Variants in SYTL3 observed in about 807,000 individuals in gnomAD.
The protein encoded by SYTL3 is synaptotagmin like 3.
Under a neutral mutation model 82.1 loss-of-function variants are expected in SYTL3, and 88 were observed. That is an observed-to-expected ratio of 1.07 (90% confidence interval 0.90 to 1.28). The LOEUF (loss-of-function observed/expected upper bound fraction) is 1.28. Ranked by LOEUF, SYTL3 falls within the 50% of genes most tolerant of loss-of-function variation. The pLI, the probability that SYTL3 is intolerant of heterozygous loss-of-function variation, is 0.00. For missense variants in SYTL3, 831 were observed against 757.6 expected, an observed-to-expected ratio of 1.10 and a Z score of -1.14; for synonymous variants, 311 against 289.4, an observed-to-expected ratio of 1.07 and a Z score of -0.76.
At chr6:158,750,281 G>A (rs982879846) in intron 12 of SYTL3, among the ~76,000 whole-genome samples, 1 of 152,102 alleles carries the variant, frequency 6.6e-6, no homozygotes, top group Admixed American at 6.6e-5. Context: ...AAAATCCAAC[G>A]TGGTTATTAC....
intron 10 of SYTL3, among the ~76,000 whole-genome samples, chr6:158,724,659 T>C (rs1784499596): frequency 6.6e-6 from 1 of 152,236 alleles, no homozygotes; most frequent in African/African-American, 2.4e-5. Context: ...TTTCAATTAA[T>C]TTAAGTAGTC....
chr6:158,684,208 G>T (rs1779048076), intron 6 of SYTL3, among the ~76,000 whole-genome samples: 1 of 152,196 alleles, frequency 6.6e-6, no homozygotes, highest in Non-Finnish European at 1.5e-5. Context: ...GCTATTGGTG[G>T]TGACACTCAA....
chr6:158,691,892 C>T (rs1050999722), intron 6 of SYTL3, among the ~76,000 whole-genome samples: 1 of 150,054 alleles, frequency 6.7e-6, no homozygotes, highest in Non-Finnish European at 1.5e-5. Flanking sequence ...ACCTCGTGAT[C>T]GGCCCGCCTC....
At chr6:158,725,867 A>G (rs1223486344) in intron 11 of SYTL3, 10 of 699,920 alleles carry the variant, frequency 1.4e-5, no homozygotes, top group Non-Finnish European at 2.3e-5. Context: ...GTGTCAGCAG[A>G]TTCATTATCA....
intron 5 of SYTL3, among the ~76,000 whole-genome samples, chr6:158,675,238 G>A (rs188530880): frequency 9.9e-5 from 15 of 152,256 alleles, no homozygotes; most frequent in African/African-American, 2.9e-4. Context: ...TTGTAGCTGT[G>A]AATATAGCAC....
In SYTL3 at chr6:158,708,339, C is replaced by T; in HGVS notation, c.464C>T (p.Pro155Leu). ...CTTGGCAGCAAAATTTCTGTGGTTC[C>T]TCCTACTCCACCTCCTGTCAGCGAG... ...YQKLSKISVV[P>L]PTPPPVSESQ... The change falls in exon 8 of 18, where the codon CCT (proline) becomes CTT (leucine). Residue 155 changes from proline to leucine, a missense_variant. Physicochemically the swap from Pro to Leu is moderately conservative, Grantham distance 98 (BLOSUM62 -3). Coordinates refer to ENST00000611299, the MANE Select transcript of SYTL3 (RefSeq NM_001242394.2). 2.5e-6 allele frequency: 4 copies of T among 1,614,204 alleles called. No homozygotes were observed. Among genetic ancestry groups the T allele is most frequent in the Non-Finnish European group, 3.4e-6 (4 of 1,180,032 alleles).
chr6:158,650,105 T>C (rs1320415255), intron 1 of SYTL3, 27 bp downstream of exon 1: 1 of 152,158 alleles, frequency 6.6e-6, no homozygotes, highest in African/African-American at 2.4e-5. Flanking sequence ...TGGCTGGCCG[T>C]TGCAGCAGGT....
intron 5 of SYTL3, among the ~76,000 whole-genome samples, chr6:158,667,425 T>A (rs532294131): frequency 1.3e-5 from 2 of 152,266 alleles, no homozygotes; most frequent in East Asian, 3.9e-4. Context: ...CCAAGTAGTT[T>A]GTGGTGATGT....
intron 7 of SYTL3, 44 bp from the exon 8 acceptor site, chr6:158,708,278 C>A (rs776227672): frequency 4.1e-6 from 6 of 1,480,388 alleles, no homozygotes; most frequent in Middle Eastern, 1.7e-4. Context: ...TAACGGCTTG[C>A]ATGGTTCACA....
intron 6 of SYTL3, among the ~76,000 whole-genome samples, chr6:158,701,548 G>A (rs1033967283): frequency 7.7e-5 from 9 of 117,210 alleles, no homozygotes; most frequent in South Asian, 2.6e-4. Flanking sequence ...GAGCTGTTCT[G>A]GGGGGGAGGA....
chr6:158,707,131 T>A, intron 6 of SYTL3, 99 bp from the exon 7 acceptor site: 1 of 1,218,220 alleles, frequency 8.2e-7, no homozygotes, highest in African/African-American at 1.5e-5. Flanking sequence ...TCACAAGAAA[T>A]GATACTAGAG....
At chr6:158,726,977 GT>G (rs1784808346) in intron 11 of SYTL3, among the ~76,000 whole-genome samples, 1 of 150,936 alleles carries the variant, frequency 6.6e-6, no homozygotes, top group East Asian at 2.0e-4. Flanking sequence ...AGCCTCCCAA[GT>G]AGCTGGCACT....
chr6:158,695,609 G>A (rs188696402), intron 6 of SYTL3, among the ~76,000 whole-genome samples: 29 of 152,168 alleles, frequency 1.9e-4, no homozygotes, highest in Middle Eastern at 3.4e-3. Context: ...AAGTATATTT[G>A]CATTGTTATG....
chr6:158,726,829 C>A lies in SYTL3; in HGVS notation c.855+1192C>A, dbSNP rs539813757. On this transcript the variant is annotated intron_variant, in intron 11 of 17. Coordinates refer to ENST00000611299, the MANE Select transcript of SYTL3 (RefSeq NM_001242394.2). ...AATGACAGATCTCTTCTGTTAACAT[C>A]GTGTTCCTAGGTTGAACTTTCTTTT... 1.5e-4 allele frequency: 23 copies of A among 153,956 alleles called. 1 individual carries two copies. In the South Asian group the frequency reaches 4.0e-3, roughly 27 times the overall value. The allele number at this position is 153,956 out of a possible 1,614,324, so 9.5% of individuals were successfully genotyped here.
chr6:158,645,475 C>T (rs1472342843), upstream of SYTL3, among the ~76,000 whole-genome samples: 1 of 152,090 alleles, frequency 6.6e-6, no homozygotes, highest in African/African-American at 2.4e-5. Flanking sequence ...TTGATTTTGG[C>T]GTTTGCTTTT....
intron 9 of SYTL3, among the ~76,000 whole-genome samples, chr6:158,716,415 G>A (rs1185000812): frequency 6.6e-6 from 1 of 152,216 alleles, no homozygotes; most frequent in Non-Finnish European, 1.5e-5. Context: ...TAAGGGCTTA[G>A]AAATTAGAGC....
chr6:158,656,774 G>C (rs1307625075), intron 2 of SYTL3, among the ~76,000 whole-genome samples: 1 of 152,028 alleles, frequency 6.6e-6, no homozygotes, highest in African/African-American at 2.4e-5. Context: ...TGTTGTAGAA[G>C]GGCCTGAAGC....
intron 14 of SYTL3, among the ~76,000 whole-genome samples, chr6:158,757,671 C>G (rs1270317143): frequency 1.3e-5 from 2 of 152,212 alleles, no homozygotes; most frequent in African/African-American, 4.8e-5. Context: ...CGGAGGCCTC[C>G]CTTTGCTGGT....
intron 11 of SYTL3, among the ~76,000 whole-genome samples, chr6:158,735,627 T>C (rs1786039507): frequency 6.6e-6 from 1 of 151,896 alleles, no homozygotes; most frequent in East Asian, 1.9e-4. Context: ...AGGATCGGAG[T>C]AAAAACAAAA....
Sources: allele counts gnomAD v4.1 joint callset (sites outside exome capture counted in the v4.1 genomes callset), GRCh38; gene constraint gnomAD v4.1.1; transcripts MANE v1.5; gene names NCBI Gene and HGNC (gene_info 2026-07-23, HGNC 2026-07-21).